Variants in RBMS1 observed in about 807,000 individuals in gnomAD.
RBMS1 encodes RNA binding motif single stranded interacting protein 1, also known as RNA-binding motif, single-stranded-interacting protein 1.
A neutral mutation model predicts 62.3 loss-of-function variants in RBMS1; 17 were observed. The ratio of observed to expected loss-of-function variants is 0.27; its 90% confidence interval spans 0.19 to 0.41. The LOEUF is 0.41. Ranked by LOEUF, RBMS1 falls within the 10% of genes least tolerant of loss-of-function variation. RBMS1 has a pLI of 1.00. For missense variants in RBMS1, 334 were observed against 504.5 expected, an observed-to-expected ratio of 0.66 and a Z score of 3.24; for synonymous variants, 172 against 170.0, an observed-to-expected ratio of 1.01 and a Z score of -0.09.
intron 1 of RBMS1, among the ~76,000 whole-genome samples, chr2:160,409,442 G>A (rs951204123): frequency 7.2e-5 from 11 of 152,164 alleles, no homozygotes; most frequent in African/African-American, 2.7e-4. Flanking sequence ...GGTGTATCTG[G>A]TGGAACTATT....
At chr2:160,455,206 GA>G (rs1684168793) in intron 1 of RBMS1, among the ~76,000 whole-genome samples, 2 of 152,176 alleles carry the variant, frequency 1.3e-5, no homozygotes, top group South Asian at 4.1e-4. Context: ...TACTTCAGTT[GA>G]AAACCTGGCC....
At chr2:160,458,860 T>C (rs759258054) in intron 1 of RBMS1, among the ~76,000 whole-genome samples, 3 of 152,070 alleles carry the variant, frequency 2.0e-5, no homozygotes, top group Non-Finnish European at 2.9e-5. Context: ...GTAAACTATA[T>C]GCACAGTTAT....
intron 1 of RBMS1, among the ~76,000 whole-genome samples, chr2:160,456,068 A>C (rs990071139): frequency 3.3e-5 from 5 of 152,242 alleles, no homozygotes; most frequent in Admixed American, 3.3e-4. Flanking sequence ...AATACAGATC[A>C]AACAGGGGAG....
At chr2:160,364,595 T>C (rs1433325545) in intron 2 of RBMS1, among the ~76,000 whole-genome samples, 3 of 152,192 alleles carry the variant, frequency 2.0e-5, no homozygotes, top group Non-Finnish European at 4.4e-5. Context: ...CATCTCAATA[T>C]CACAACATCT....
intron 1 of RBMS1, among the ~76,000 whole-genome samples, chr2:160,392,520 C>T (rs747184329): frequency 3.3e-5 from 5 of 151,934 alleles, no homozygotes; most frequent in Admixed American, 2.0e-4. Flanking sequence ...GAGCAGTTCC[C>T]ACGTAAACCT....
At position 160,493,561 on chromosome 2, in the gene RBMS1, TCC is replaced by T; in HGVS notation, c.-200_-199del. On this transcript the variant is annotated 5_prime_UTR_variant, in exon 1 of 14. Transcript: ENST00000348849. ...CTCCTCTTCCTCCTCCTCCTCCTCCTCCTCCTCCTCTTCCTCCTCCTCCTCCT... is the reference window on the plus strand; with the variant it reads ...CTCCTCTTCCTCCTCCTCCTCCTCCTTCCTCCTCTTCCTCCTCCTCCTCCT... 3.3e-6 allele frequency: 2 copies of T among 609,284 alleles called. No homozygotes were observed. The highest frequency in any genetic ancestry group is 5.8e-6 in the Non-Finnish European group (2 of 346,546). The allele number at this position is 609,284 out of a possible 1,614,324, so 37.7% of individuals were successfully genotyped here. A position where few individuals can be genotyped will look rare whatever the true frequency, so the allele number is the denominator to read the frequency against.
chr2:160,350,933 T>A (rs982997324), intron 2 of RBMS1, among the ~76,000 whole-genome samples: 13 of 152,132 alleles, frequency 8.5e-5, no homozygotes, highest in African/African-American at 2.9e-4. Context: ...CGCCACACTG[T>A]CTTCCACAAT....
intron 1 of RBMS1, among the ~76,000 whole-genome samples, chr2:160,386,869 C>T (rs2105201513): frequency 6.6e-6 from 1 of 152,284 alleles, no homozygotes; most frequent in Admixed American, 6.5e-5. Context: ...CCTAGTCATA[C>T]TAGAATTCCC....
intron 3 of RBMS1, among the ~76,000 whole-genome samples, chr2:160,315,349 C>T (rs1344263972): frequency 6.6e-6 from 1 of 152,100 alleles, no homozygotes; most frequent in Admixed American, 6.6e-5. Context: ...GTTATACAGA[C>T]TCTATGGATT....
intron 6 of RBMS1, among the ~76,000 whole-genome samples, chr2:160,292,350 T>A (rs577133110): frequency 6.6e-6 from 1 of 152,348 alleles, no homozygotes; most frequent in South Asian, 2.1e-4. Context: ...GAAGAGCTAG[T>A]GTTCTTAACT....
At chr2:160,378,000 T>C (rs868595219) in intron 1 of RBMS1, among the ~76,000 whole-genome samples, 8 of 152,204 alleles carry the variant, frequency 5.3e-5, no homozygotes, top group Non-Finnish European at 5.9e-5. Context: ...CTGAGTAAAA[T>C]TGATATGCTA....
chr2:160,284,525 G>T (rs979490301), intron 9 of RBMS1: 5 of 472,730 alleles, frequency 1.1e-5, no homozygotes, highest in African/African-American at 2.0e-5. Context: ...AAGTGTTTGG[G>T]TTCATTCCAA....
intron 1 of RBMS1, among the ~76,000 whole-genome samples, chr2:160,446,614 T>G (rs1355166009): frequency 6.6e-6 from 1 of 152,194 alleles, no homozygotes; most frequent in African/African-American, 2.4e-5. Flanking sequence ...TATATACCTT[T>G]GGAAACCGTG....
intron 1 of RBMS1, among the ~76,000 whole-genome samples, chr2:160,418,208 A>T (rs1696280679): frequency 6.6e-6 from 1 of 152,220 alleles, no homozygotes; most frequent in Non-Finnish European, 1.5e-5. Flanking sequence ...CTGGACTGTT[A>T]CTTCTTTGGC....
intron 1 of RBMS1, among the ~76,000 whole-genome samples, chr2:160,454,130 C>T (rs1684111347): frequency 6.6e-6 from 1 of 152,212 alleles, no homozygotes; most frequent in Non-Finnish European, 1.5e-5. Context: ...GATCATATCT[C>T]AATAAATGTC....
chr2:160,295,392 C>A (rs1688884138), intron 6 of RBMS1, among the ~76,000 whole-genome samples: 1 of 152,192 alleles, frequency 6.6e-6, no homozygotes, highest in Non-Finnish European at 1.5e-5. Flanking sequence ...TAATTGTCAA[C>A]CAAGACTTAC....
intron 2 of RBMS1, among the ~76,000 whole-genome samples, chr2:160,365,044 CCTT>C (rs1285894036): frequency 6.6e-6 from 1 of 152,064 alleles, no homozygotes; most frequent in African/African-American, 2.4e-5. Context: ...AGCATGAGTC[CCTT>C]CCTCATAAGG....
chr2:160,367,624 G>T, intron 1 of RBMS1: 1 of 555,954 alleles, frequency 1.8e-6, no homozygotes, highest in Non-Finnish European at 2.7e-6. Context: ...CCTTAAATGT[G>T]ACTAAATTTA....
intron 3 of RBMS1, among the ~76,000 whole-genome samples, chr2:160,316,935 T>C (rs1690257525): frequency 6.6e-6 from 1 of 152,180 alleles, no homozygotes; most frequent in Admixed American, 6.5e-5. Context: ...CTCTCCCAAA[T>C]CATTTATAAA....
Sources: gnomAD v4.1 joint callset for allele counts (sites outside exome capture counted in the v4.1 genomes callset) on GRCh38, gnomAD v4.1.1 for gene constraint, MANE v1.5 for transcripts, NCBI Gene and HGNC (gene_info 2026-07-23, HGNC 2026-07-21) for gene names.